Variants in TRPM3 observed in about 807,000 individuals in gnomAD.
TRPM3 encodes the protein transient receptor potential cation channel subfamily M member 3.
In TRPM3, 77 loss-of-function variants were observed where a neutral mutation model predicts 181.2. That is an observed-to-expected ratio of 0.42 (90% CI 0.35 to 0.51). The LOEUF (loss-of-function observed/expected upper bound fraction) is 0.51, where lower values mean the gene tolerates loss of function less well. Ranked by LOEUF, TRPM3 falls within the 20% of genes least tolerant of loss-of-function variation. The pLI is 0.01. For missense variants in TRPM3, 1,759 were observed against 2,196.7 expected (o/e 0.80, Z 3.98); for synonymous variants, 745 against 796.4 (o/e 0.94, Z 1.09).
intron 1 of TRPM3, among the ~76,000 whole-genome samples, chr9:71,356,717 T>C (rs1403207772): frequency 6.6e-6 from 1 of 152,174 alleles, no homozygotes; most frequent in Non-Finnish European, 1.5e-5. Flanking sequence ...CTTTTTGATG[T>C]AGTAGCACAA....
chr9:71,234,163 GTTCC>G (rs2081231211), intron 1 of TRPM3, among the ~76,000 whole-genome samples: 1 of 152,172 alleles, frequency 6.6e-6, no homozygotes, highest in Non-Finnish European at 1.5e-5. Flanking sequence ...GGAGGTCTCA[GTTCC>G]TTGCCATGCA....
intron 1 of TRPM3, among the ~76,000 whole-genome samples, chr9:71,069,707 C>G (rs1266680728): frequency 6.6e-6 from 1 of 150,582 alleles, no homozygotes; most frequent in Non-Finnish European, 1.5e-5. Flanking sequence ...CTCCCAGGTT[C>G]AAGCGATTCT....
chr9:71,013,344 A>C (rs2097760486), intron 1 of TRPM3, among the ~76,000 whole-genome samples: 1 of 151,974 alleles, frequency 6.6e-6, no homozygotes, highest in South Asian at 2.1e-4. Flanking sequence ...GATTTTATTT[A>C]TTATTTTTAC....
At chr9:71,230,651 A>G in intron 1 of TRPM3, among the ~76,000 whole-genome samples, 1 of 152,222 alleles carries the variant, frequency 6.6e-6, no homozygotes, top group African/African-American at 2.4e-5. Context: ...CCAACTCTGC[A>G]GCAGAACAAT....
chr9:70,788,745 C>T (rs2084561459), intron 6 of TRPM3, among the ~76,000 whole-genome samples: 1 of 152,098 alleles, frequency 6.6e-6, no homozygotes, highest in Non-Finnish European at 1.5e-5. Context: ...CCCATGGTCC[C>T]ATCTAGGCAT....
intron 1 of TRPM3, among the ~76,000 whole-genome samples, chr9:71,446,162 C>T (rs1264853081): frequency 6.6e-6 from 1 of 152,140 alleles, no homozygotes; most frequent in African/African-American, 2.4e-5. Context: ...TGACATCCTG[C>T]AAACAATTAA....
In TRPM3 at chr9:71,095,710, C is replaced by G. The variant is rs117864692; in HGVS notation, c.177+25468G>C. ...GGAGGCAGAGGTTACAGTGAGCTGA[C>G]ATTGCGTGACTGCACTCCAGCCTGG... On this transcript the variant is annotated intron_variant, in intron 1 of 25. Transcript: ENST00000677713. 5.6e-3 allele frequency among the ~76,000 whole-genome samples: 737 copies of G among 131,582 alleles called. 19 individuals carry two copies. In the East Asian group the frequency reaches 0.091, roughly 16 times the overall value. The allele number at this position is 131,582 out of a possible 152,430, so 86.3% of individuals were successfully genotyped here. A position where few individuals can be genotyped will look rare whatever the true frequency, so the allele number is the denominator to read the frequency against.
intron 1 of TRPM3, among the ~76,000 whole-genome samples, chr9:70,931,180 T>C (rs951186051): frequency 1.3e-5 from 2 of 152,146 alleles, no homozygotes; most frequent in African/African-American, 2.4e-5. Flanking sequence ...TCTGGCATAA[T>C]GGTAATTATC....
intron 1 of TRPM3, among the ~76,000 whole-genome samples, chr9:71,014,267 A>T (rs764174986): frequency 6.6e-6 from 1 of 152,004 alleles, no homozygotes; most frequent in Non-Finnish European, 1.5e-5. Flanking sequence ...AGAAAATATT[A>T]TATTTTTGCA....
In TRPM3 at chr9:71,103,028, T is replaced by A. The variant is rs556311954; in HGVS notation, c.177+18150A>T. ...GAACAGAATTTGGAGGGATAAAAAT[T>A]TTTTTTAGTTAATCAAAGAAGTTGC... On this transcript the variant is annotated intron_variant, in intron 1 of 25. Transcript: ENST00000677713. 1.9e-3 allele frequency among the ~76,000 whole-genome samples: 292 copies of A among 152,272 alleles called. 2 individuals carry two copies. Among genetic ancestry groups the A allele is most frequent in the African/African-American group, 6.7e-3 (280 of 41,568 alleles).
chr9:71,295,852 A>AT (rs1212593391), intron 1 of TRPM3, among the ~76,000 whole-genome samples: 1 of 151,562 alleles, frequency 6.6e-6, no homozygotes, highest in Non-Finnish European at 1.5e-5. Context: ...AAAAAAAAAA[A>AT]AAAAAAAGTT....
chr9:71,077,200 C>T (rs192078186), intron 1 of TRPM3, among the ~76,000 whole-genome samples: 3 of 152,214 alleles, frequency 2.0e-5, no homozygotes, highest in East Asian at 1.9e-4. Flanking sequence ...ATCAAAATCC[C>T]GTATTAGTGC....
intron 1 of TRPM3, among the ~76,000 whole-genome samples, chr9:71,329,307 TTC>T (rs1294419248): frequency 6.6e-6 from 1 of 152,228 alleles, no homozygotes; most frequent in East Asian, 1.9e-4. Context: ...TTTTATAATT[TTC>T]TGTTTTGTAC....
chr9:70,917,562 A>ATTTTTTTTTTTTTTTTTTTTTTTTTTT, intron 1 of TRPM3: 2 of 612,856 alleles, frequency 3.3e-6, no homozygotes, highest in Non-Finnish European at 6.0e-6. Flanking sequence ...AACAGTGTTA[A>ATTTTTTTTTTTTTTTTTTTTTTTTTTT]GTTGTTATAT....
At chr9:71,070,178 T>C (rs1348283500) in intron 1 of TRPM3, among the ~76,000 whole-genome samples, 1 of 152,208 alleles carries the variant, frequency 6.6e-6, no homozygotes, top group African/African-American at 2.4e-5. Flanking sequence ...AATTTGTTTC[T>C]GAAATGGGAG....
chr9:70,627,909 G>A (rs2064966716), intron 12 of TRPM3, among the ~76,000 whole-genome samples: 3 of 152,264 alleles, frequency 2.0e-5, no homozygotes, highest in Non-Finnish European at 4.4e-5. Flanking sequence ...GAATCAGCAA[G>A]CTAAGCTATC....
chr9:70,792,384 GA>G (rs2085670393), intron 6 of TRPM3, among the ~76,000 whole-genome samples: 1 of 151,996 alleles, frequency 6.6e-6, no homozygotes, highest in Non-Finnish European at 1.5e-5. Context: ...CAAAGGAGCA[GA>G]GGGTACCATG....
chr9:70,993,076 C>T (rs377664613), intron 1 of TRPM3, among the ~76,000 whole-genome samples: 2 of 152,080 alleles, frequency 1.3e-5, no homozygotes, highest in African/African-American at 2.4e-5. Flanking sequence ...TAAGGGGTTG[C>T]GGCAGGACCT....
intron 1 of TRPM3, among the ~76,000 whole-genome samples, chr9:71,220,632 C>G (rs958310820): frequency 6.6e-6 from 1 of 152,036 alleles, no homozygotes; most frequent in African/African-American, 2.4e-5. Context: ...AGTTCTAATC[C>G]CAGCTCCACT....
Sources: allele counts gnomAD v4.1 joint callset (sites outside exome capture counted in the v4.1 genomes callset), GRCh38; gene constraint gnomAD v4.1.1; transcripts MANE v1.5; gene names NCBI Gene and HGNC (gene_info 2026-07-23, HGNC 2026-07-21).